The following ADAMTSL1 variants were observed in gnomAD, a reference collection of about 807,000 sequenced individuals.
The protein encoded by ADAMTSL1 is ADAMTS-like protein 1.
A neutral mutation model predicts 201.8 loss-of-function variants in ADAMTSL1; 126 were observed. That is an observed-to-expected ratio of 0.62 (90% CI 0.54 to 0.72). The LOEUF (loss-of-function observed/expected upper bound fraction) is 0.72. ADAMTSL1 is among the 30% of genes least tolerant of loss of function. ADAMTSL1 has a pLI of 0.00. For missense variants in ADAMTSL1, 2,679 were observed against 2,277.8 expected (o/e 1.18, Z -3.59); for synonymous variants, 1,121 against 903.4 (o/e 1.24, Z -4.32).
chr9:18,903,406 C>T (rs1198691072), intron 26 of ADAMTSL1, among the ~76,000 whole-genome samples: 1 of 152,024 alleles, frequency 6.6e-6, no homozygotes, highest in Admixed American at 6.6e-5. Flanking sequence ...CAGGCATAAA[C>T]TAAACTGTTT....
intron 2 of ADAMTSL1, among the ~76,000 whole-genome samples, chr9:18,316,707 G>C (rs146277793): frequency 6.6e-6 from 1 of 151,964 alleles, no homozygotes; most frequent in Non-Finnish European, 1.5e-5. Context: ...TTATTCCAGG[G>C]TCCTGAGGCG....
At chr9:18,492,887 G>A (rs922007580) in intron 1 of ADAMTSL1, among the ~76,000 whole-genome samples, 1 of 152,124 alleles carries the variant, frequency 6.6e-6, no homozygotes, top group African/African-American at 2.4e-5. Flanking sequence ...GCCAAATCCT[G>A]TTGCCTAGAC....
chr9:18,418,150 A>G (rs1339533922), intron 2 of ADAMTSL1, among the ~76,000 whole-genome samples: 1 of 152,230 alleles, frequency 6.6e-6, no homozygotes, highest in Non-Finnish European at 1.5e-5. Context: ...ATATTTATTC[A>G]TGATAAAATC....
intron 2 of ADAMTSL1, among the ~76,000 whole-genome samples, chr9:18,358,582 G>T (rs960233288): frequency 6.6e-6 from 1 of 152,060 alleles, no homozygotes; most frequent in East Asian, 1.9e-4. Context: ...CTGTCTCTAT[G>T]AGTCTGCCCA....
At chr9:18,743,981 A>G (rs1284364943) in intron 15 of ADAMTSL1, among the ~76,000 whole-genome samples, 2 of 152,196 alleles carry the variant, frequency 1.3e-5, no homozygotes, top group East Asian at 1.9e-4. Context: ...TGAGCAGGGT[A>G]GAGGAGTAAC....
intron 2 of ADAMTSL1, among the ~76,000 whole-genome samples, chr9:18,428,949 C>T (rs1238798984): frequency 6.6e-6 from 1 of 152,146 alleles, no homozygotes; most frequent in Non-Finnish European, 1.5e-5. Flanking sequence ...AAACGTCTCC[C>T]TGGAGTCACC....
chr9:18,045,680 C>T (rs1821626889), intron 1 of ADAMTSL1, among the ~76,000 whole-genome samples: 1 of 151,948 alleles, frequency 6.6e-6, no homozygotes, highest in Non-Finnish European at 1.5e-5. Flanking sequence ...CTATTTTACC[C>T]TCACATTGTC....
Position 18,819,543 on chromosome 9 carries a change from A to T in ADAMTSL1, c.3934+2306A>T, listed in dbSNP as rs189888413. On this transcript the variant is annotated intron_variant, in intron 21 of 28. Coordinates refer to ENST00000380548, the MANE Select transcript of ADAMTSL1 (RefSeq NM_001040272.6). ...GATTGAGAGGACCAGAATCTGGTTG[A>T]GGAAGTATTTACGTTGGGGAGCCTA... Among the ~76,000 whole-genome samples, 133 of 151,958 alleles carry T rather than the reference A, an allele frequency of 8.8e-4. 1 individual carries two copies. The highest frequency in any genetic ancestry group is 2.7e-3 in the African/African-American group (110 of 41,416).
At chr9:18,048,140 C>G (rs996391469) in intron 1 of ADAMTSL1, among the ~76,000 whole-genome samples, 1 of 152,142 alleles carries the variant, frequency 6.6e-6, no homozygotes, top group African/African-American at 2.4e-5. Context: ...CTGATGTTGA[C>G]TATTCTATTG....
chr9:18,111,700 G>C (rs996379357), intron 1 of ADAMTSL1, among the ~76,000 whole-genome samples: 1 of 152,112 alleles, frequency 6.6e-6, no homozygotes, highest in African/African-American at 2.4e-5. Flanking sequence ...ACATTCAGGT[G>C]CTCATGTAGT....
chr9:17,933,880 G>T (rs1563904592), intron 1 of ADAMTSL1, among the ~76,000 whole-genome samples: 2 of 152,104 alleles, frequency 1.3e-5, no homozygotes, highest in South Asian at 2.1e-4. Flanking sequence ...TTTTGGTGGG[G>T]ACACAAATCC....
At chr9:18,672,358 T>C (rs1829875448) in intron 9 of ADAMTSL1, among the ~76,000 whole-genome samples, 1 of 152,212 alleles carries the variant, frequency 6.6e-6, no homozygotes, top group Admixed American at 6.5e-5. Context: ...AATTTTTTCA[T>C]ACTTGAATAT....
At chr9:18,876,469 C>A (rs907915613) in intron 23 of ADAMTSL1, among the ~76,000 whole-genome samples, 1 of 152,090 alleles carries the variant, frequency 6.6e-6, no homozygotes, top group African/African-American at 2.4e-5. Flanking sequence ...ATTCTCTCAG[C>A]ATGTGTTTTT....
At chr9:17,964,226 G>A (rs753314957) in intron 1 of ADAMTSL1, among the ~76,000 whole-genome samples, 5 of 152,116 alleles carry the variant, frequency 3.3e-5, no homozygotes, top group Non-Finnish European at 1.5e-5. Flanking sequence ...TCTGTGTGGC[G>A]TTAGTAAAAA....
At chr9:18,902,989 G>T (rs1048172758) in intron 26 of ADAMTSL1, among the ~76,000 whole-genome samples, 3 of 152,194 alleles carry the variant, frequency 2.0e-5, no homozygotes, top group Admixed American at 1.3e-4. Context: ...CAGATCACTT[G>T]AGGTCAGGAG....
chr9:18,338,149 G>C (rs1835324990), intron 2 of ADAMTSL1, among the ~76,000 whole-genome samples: 2 of 152,078 alleles, frequency 1.3e-5, no homozygotes, highest in Non-Finnish European at 2.9e-5. Flanking sequence ...TCCGTAGTTT[G>C]CTTGCTCTTC....
At chr9:18,027,074 T>C (rs1010444799) in intron 1 of ADAMTSL1, among the ~76,000 whole-genome samples, 23 of 151,878 alleles carry the variant, frequency 1.5e-4, no homozygotes, top group African/African-American at 5.6e-4. Flanking sequence ...CCATTTCTGA[T>C]TGTGCTATTT....
intron 1 of ADAMTSL1, among the ~76,000 whole-genome samples, chr9:18,129,597 A>G (rs969859043): frequency 6.6e-6 from 1 of 152,210 alleles, no homozygotes; most frequent in Non-Finnish European, 1.5e-5. Flanking sequence ...ATAAGACATA[A>G]GAAGAGATAG....
chr9:18,824,513 C>T (rs1349312369), intron 21 of ADAMTSL1, among the ~76,000 whole-genome samples: 1 of 152,152 alleles, frequency 6.6e-6, no homozygotes, highest in Non-Finnish European at 1.5e-5. Context: ...AACAGATACA[C>T]AGGCAACTCT....
Sources: gnomAD v4.1 joint callset for allele counts (sites outside exome capture counted in the v4.1 genomes callset) on GRCh38, gnomAD v4.1.1 for gene constraint, MANE v1.5 for transcripts, NCBI Gene and HGNC (gene_info 2026-07-23, HGNC 2026-07-21) for gene names.